The following SLC2A14 variants were observed in gnomAD, a reference collection of about 807,000 sequenced individuals.
SLC2A14 encodes solute carrier family 2 member 14.
In SLC2A14, 13 loss-of-function variants were observed where a neutral mutation model predicts 43.0. The observed-to-expected ratio is 0.30, with a 90% CI of 0.20 to 0.48. The LOEUF is 0.48. Ranked by LOEUF, SLC2A14 falls within the 20% of genes least tolerant of loss-of-function variation. SLC2A14 has a pLI of 0.99. For synonymous variants in SLC2A14, 190 were observed against 233.8 expected (o/e 0.81, Z 1.71); for missense variants, 428 against 620.4 (o/e 0.69, Z 3.29).
intron 9 of SLC2A14, 34 bp downstream of exon 9, chr12:7,819,448 C>T (rs1863748110): frequency 6.2e-7 from 1 of 1,610,282 alleles, no homozygotes; most frequent in African/African-American, 1.3e-5. Flanking sequence ...CTCTTCTTTC[C>T]CCCTCCCTTT....
chr12:7,865,354 G>A (rs1227421936), intron 2 of SLC2A14, among the ~76,000 whole-genome samples: 2 of 151,948 alleles, frequency 1.3e-5, no homozygotes, highest in East Asian at 1.9e-4. Context: ...TGGCTAACAT[G>A]GTGGAACCCC....
intron 1 of SLC2A14, among the ~76,000 whole-genome samples, chr12:7,889,938 G>A (rs1945748270): frequency 6.6e-6 from 1 of 152,038 alleles, no homozygotes; most frequent in Admixed American, 6.6e-5. Flanking sequence ...AGGTTGCCTT[G>A]GCATTCCTAA....
At chr12:7,821,555 C>T (rs1206941559) in intron 7 of SLC2A14, among the ~76,000 whole-genome samples, 2 of 152,104 alleles carry the variant, frequency 1.3e-5, no homozygotes, top group African/African-American at 4.8e-5. Context: ...TGGTGGCACA[C>T]ACCTGTAGTC....
intron 2 of SLC2A14, among the ~76,000 whole-genome samples, chr12:7,863,623 A>C (rs1944733741): frequency 6.6e-6 from 1 of 152,016 alleles, no homozygotes. Context: ...CCATCTTAAA[A>C]AAAAATAAAA....
chr12:7,813,414 T>C lies in SLC2A14; in HGVS notation c.*902A>G, dbSNP rs867178250. ...TTTCTAGAAATCACTTTCTCTTCCC[T>C]GGACTCCATCCAAAATTAGAACCCA... On this transcript the variant is annotated 3_prime_UTR_variant, in exon 11 of 11. Transcript: ENST00000431042. The C allele has an allele frequency of 1.3e-5, 2 of 152,204 alleles. No homozygotes were observed. Among genetic ancestry groups the C allele is most frequent in the African/African-American group, 4.8e-5 (2 of 41,446 alleles). The allele number at this position is 152,204 out of a possible 1,614,324, so 9.4% of individuals were successfully genotyped here. A position where few individuals can be genotyped will look rare whatever the true frequency, so the allele number is the denominator to read the frequency against.
chr12:7,857,463 C>A (rs1944315908), intron 2 of SLC2A14, among the ~76,000 whole-genome samples: 1 of 151,914 alleles, frequency 6.6e-6, no homozygotes, highest in Admixed American at 6.6e-5. Context: ...TGGTGCACAC[C>A]TGTAATCCCA....
chr12:7,873,381 C>T (rs924616170), upstream of SLC2A14: 9 of 983,854 alleles, frequency 9.1e-6, no homozygotes, highest in Non-Finnish European at 1.1e-5. Flanking sequence ...GTGGCTCACA[C>T]CTGTAATCCT....
intron 2 of SLC2A14, among the ~76,000 whole-genome samples, chr12:7,867,264 G>C (rs1944966004): frequency 8.1e-6 from 1 of 123,156 alleles, no homozygotes; most frequent in African/African-American, 3.1e-5. Flanking sequence ...CTGGGCGACA[G>C]AGGGAGACTC....
In SLC2A14 at chr12:7,826,857, T is replaced by TTC. The variant is rs1491266594; in HGVS notation, c.864+637_864+638insGA. On this transcript the variant is annotated intron_variant, in intron 7 of 10. Coordinates refer to ENST00000431042, the MANE Select transcript of SLC2A14 (RefSeq NM_001286234.2). ...TCTTTCCTTCCTTCCTTCCTTCCTT[T>TTC]CTTTTTTCTTTCTTTCTTTCTTTCT... is the stretch of plus-strand genomic sequence containing the variant. 2.1e-4 allele frequency among the ~76,000 whole-genome samples: 16 copies of TTC among 75,090 alleles called. 3 individuals carry two copies. The highest frequency in any genetic ancestry group is 5.5e-3 in the Middle Eastern group (1 of 182). The allele number at this position is 75,090 out of a possible 152,430, so 49.3% of individuals were successfully genotyped here. A position where few individuals can be genotyped will look rare whatever the true frequency, so the allele number is the denominator to read the frequency against.
chr12:7,871,779 C>T, intron 1 of SLC2A14: 1 of 396,702 alleles, frequency 2.5e-6, no homozygotes, highest in Non-Finnish European at 3.4e-6. Context: ...CACATGCATC[C>T]CCACCCAAAC....
chr12:7,871,285 T>C, intron 1 of SLC2A14: 1 of 1,147,572 alleles, frequency 8.7e-7, no homozygotes, highest in Non-Finnish European at 1.1e-6. Flanking sequence ...TGAGATGTAC[T>C]GGGAGGCACC....
At chr12:7,877,958 G>A (rs1945491625), upstream of SLC2A14, among the ~76,000 whole-genome samples, 2 of 152,078 alleles carry the variant, frequency 1.3e-5, no homozygotes. Flanking sequence ...GGTTAGGCTG[G>A]TCTCGAACTC....
At chr12:7,826,740 A>G (rs1233206131) in intron 7 of SLC2A14, among the ~76,000 whole-genome samples, 1 of 151,956 alleles carries the variant, frequency 6.6e-6, no homozygotes, top group African/African-American at 2.4e-5. Context: ...CATGCTCCCT[A>G]TTCTACTTGT....
intron 1 of SLC2A14, chr12:7,872,212 A>T (rs1945271714): frequency 6.6e-6 from 1 of 152,166 alleles, no homozygotes; most frequent in Admixed American, 6.5e-5. Flanking sequence ...TCCTAAGACA[A>T]TTCCAATTTT....
chr12:7,866,112 C>CT (rs2121032867), intron 2 of SLC2A14, among the ~76,000 whole-genome samples: 1 of 151,348 alleles, frequency 6.6e-6, no homozygotes, highest in East Asian at 2.0e-4. Context: ...CTAATCCCAG[C>CT]TACCCAGGAG....
chr12:7,818,053 C>G lies in SLC2A14; in HGVS notation c.1072-19G>C, dbSNP rs1276422642. 2 of 1,605,952 alleles carry G rather than the reference C, an allele frequency of 1.2e-6. No individual in the cohort carries two copies. The highest frequency in any genetic ancestry group is 2.2e-5 in the East Asian group (1 of 44,768). On this transcript the variant is annotated intron_variant, in intron 9 of 10. Coordinates refer to ENST00000431042, the MANE Select transcript of SLC2A14 (RefSeq NM_001286234.2). The stretch of plus-strand genomic sequence containing the variant: ...AGTGATTCTGTAAGAGGAAGGAACA[C>G]AGAAGATTAAATTTAAAGACAGTGT...
intron 10 of SLC2A14, 54 bp downstream of exon 10, chr12:7,817,777 T>TAGAC (rs1459382558): frequency 1.1e-5 from 17 of 1,587,196 alleles, no homozygotes; most frequent in South Asian, 1.1e-5. Context: ...GATAGATAGA[T>TAGAC]AGACAGATAC....
intron 6 of SLC2A14, 33 bp downstream of exon 6, chr12:7,828,671 T>C (rs1864715782): frequency 1.2e-6 from 2 of 1,610,956 alleles, no homozygotes; most frequent in Non-Finnish European, 1.7e-6. Flanking sequence ...CACAACCATA[T>C]ACTTTGTATA....
chr12:7,819,190 C>T (rs1863725198), intron 9 of SLC2A14, among the ~76,000 whole-genome samples: 1 of 152,056 alleles, frequency 6.6e-6, no homozygotes, highest in Non-Finnish European at 1.5e-5. Flanking sequence ...GCACTCCAGC[C>T]TGGGCAACAA....
Sources: allele counts gnomAD v4.1 joint callset (sites outside exome capture counted in the v4.1 genomes callset), GRCh38; gene constraint gnomAD v4.1.1; transcripts MANE v1.5; gene names NCBI Gene and HGNC (gene_info 2026-07-23, HGNC 2026-07-21).